Variants in TGS1 observed in about 807,000 individuals in gnomAD.
TGS1 encodes trimethylguanosine synthase.
Under a neutral mutation model 92.2 loss-of-function variants are expected in TGS1, and 69 were observed. The ratio of observed to expected loss-of-function variants is 0.75; its 90% CI spans 0.62 to 0.91. The LOEUF (loss-of-function observed/expected upper bound fraction) is 0.91, where lower values mean the gene tolerates loss of function less well. TGS1 is among the 40% of genes least tolerant of loss of function. TGS1 has a pLI of 0.00. For missense variants in TGS1, 1,062 were observed against 1,001.2 expected, an observed-to-expected ratio of 1.06 and a Z score of -0.82; for synonymous variants, 345 against 338.1, an observed-to-expected ratio of 1.02 and a Z score of -0.22.
chr8:55,818,906 G>A (rs1803557474), intron 12 of TGS1, among the ~76,000 whole-genome samples: 1 of 152,186 alleles, frequency 6.6e-6, no homozygotes, highest in African/African-American at 2.4e-5. Flanking sequence ...ATGAGTGAAG[G>A]ACAGAGCTTA....
intron 10 of TGS1, 77 bp downstream of exon 10, chr8:55,805,113 T>C: frequency 8.4e-7 from 1 of 1,185,768 alleles, no homozygotes; most frequent in South Asian, 1.5e-5. Flanking sequence ...CTACAGCCTA[T>C]CTTACTGAGA....
intron 9 of TGS1, 107 bp downstream of exon 9, chr8:55,802,713 C>A: frequency 8.9e-7 from 1 of 1,129,358 alleles, no homozygotes; most frequent in Non-Finnish European, 1.2e-6. Flanking sequence ...TACCCAGATT[C>A]AGCTATTTTC....
chr8:55,805,389 G>A (rs1812337271), intron 10 of TGS1, among the ~76,000 whole-genome samples: 1 of 152,126 alleles, frequency 6.6e-6, no homozygotes, highest in Admixed American at 6.6e-5. Context: ...TTAAAAGGTA[G>A]GAATGTCATG....
At chr8:55,795,633 T>G (rs192042297) in intron 6 of TGS1, among the ~76,000 whole-genome samples, 1 of 152,282 alleles carries the variant, frequency 6.6e-6, no homozygotes, top group East Asian at 1.9e-4. Context: ...TTGAAAATAT[T>G]TATATATTTA....
Position 55,810,997 on chromosome 8 carries a change from T to C in TGS1, c.2260T>C (p.Phe754Leu), listed in dbSNP as rs779882688. The change falls in exon 11 of 13, where the codon TTT becomes CTT. Residue 754 changes from phenylalanine (F) to leucine (L), a missense_variant. By Grantham distance (22) the Phe-to-Leu change is conservative. Coordinates refer to ENST00000260129, the MANE Select transcript of TGS1 (RefSeq NM_024831.8). Reference protein sequence around the residue: ...ICGDFLLLASFLKADVVFLSP... With the variant: ...ICGDFLLLASLLKADVVFLSP... ...TGGAGATTTCTTGCTGCTGGCTTCT[T>C]TTTTAAAGGCTGATGTTGTGTTCCT... The C allele has an allele frequency of 3.5e-5, 56 of 1,614,092 alleles. No individual in the cohort carries two copies. The highest frequency in any genetic ancestry group is 4.5e-5 in the Non-Finnish European group (53 of 1,180,042).
At chr8:55,785,261 G>A (rs902544456) in intron 2 of TGS1, among the ~76,000 whole-genome samples, 3 of 151,958 alleles carry the variant, frequency 2.0e-5, no homozygotes, top group African/African-American at 7.3e-5. Context: ...TCACCATGTT[G>A]GCCAGGCTGG....
At chr8:55,821,789 CATGA>C (rs1803644668) in intron 12 of TGS1, among the ~76,000 whole-genome samples, 1 of 151,926 alleles carries the variant, frequency 6.6e-6, no homozygotes. Flanking sequence ...AGGAGAATGG[CATGA>C]ACCCAGGAGG....
intron 11 of TGS1, among the ~76,000 whole-genome samples, chr8:55,812,579 C>T (rs564886005): frequency 6.0e-5 from 9 of 151,140 alleles, no homozygotes; most frequent in South Asian, 2.1e-4. Context: ...CCCAGGTACT[C>T]GGGAGGCTGA....
In TGS1 at chr8:55,786,754, A is replaced by C; in HGVS notation, c.856A>C (p.Lys286Gln). The change falls in exon 4 of 13, where the codon AAA becomes CAA. Residue 286 changes from lysine to glutamine, a missense_variant. Lys to Gln is a moderately conservative substitution (Grantham distance 53). Coordinates refer to ENST00000260129, the MANE Select transcript of TGS1 (RefSeq NM_024831.8). ...AGAAGCTGATGACAAGAACGATGAA[A>C]AATGCATGAAAGTTGACTTAGTATC... ...KTEADDKNDE[K>Q]CMKVDLVSFP... 1 of 1,614,184 alleles carries C rather than the reference A, an allele frequency of 6.2e-7. No homozygotes were observed.
chr8:55,778,322 C>T (rs1563448485), intron 1 of TGS1, among the ~76,000 whole-genome samples: 1 of 152,152 alleles, frequency 6.6e-6, no homozygotes, highest in Non-Finnish European at 1.5e-5. Context: ...TTCTACCGCA[C>T]ATCTGTATGA....
At chr8:55,777,422 T>G (rs1261429837) in intron 1 of TGS1, among the ~76,000 whole-genome samples, 4 of 152,148 alleles carry the variant, frequency 2.6e-5, no homozygotes, top group East Asian at 3.9e-4. Context: ...ATGCTGGATG[T>G]CTCCCCTTAG....
Position 55,792,827 on chromosome 8 carries a change from ACTT to A in TGS1, c.1367+45_1367+47del, listed in dbSNP as rs779057538. On this transcript the variant is annotated intron_variant, in intron 6 of 12. Coordinates refer to ENST00000260129, the MANE Select transcript of TGS1 (RefSeq NM_024831.8). The stretch of plus-strand genomic sequence containing the variant: ...CTATTGTTTTCCAGAAGTCCTAACC[ACTT>A]CAACTATCTTAGAGCACTCTGATAC... 231 of 1,339,868 alleles carry A rather than the reference ACTT, an allele frequency of 1.7e-4. 1 individual carries two copies. Among genetic ancestry groups the A allele is most frequent in the Non-Finnish European group, 2.4e-4 (223 of 931,494 alleles). 83.0% of individuals were successfully genotyped at this position (1,339,868 alleles called of 1,614,324 possible).
At chr8:55,823,967 T>C (rs950066525) in intron 12 of TGS1, among the ~76,000 whole-genome samples, 1 of 151,916 alleles carries the variant, frequency 6.6e-6, no homozygotes, top group South Asian at 2.1e-4. Context: ...AATACAAAAA[T>C]TAGCTGGGCA....
rs1404992873 is a variant in TGS1, at chr8:55,825,820, C to T, written c.*1117C>T. Among the ~76,000 whole-genome samples, 2 of 151,772 alleles carry T rather than the reference C, an allele frequency of 1.3e-5. No individual in the cohort carries two copies. The highest frequency in any genetic ancestry group is 1.9e-4 in the East Asian group (1 of 5,190). On this transcript the variant is annotated 3_prime_UTR_variant, in exon 13 of 13. Transcript: ENST00000260129. ...AGGTGAAATTACTTTTTCATTAATT[C>T]GCAATTTCAAAATCTGTCCAAATGT...
intron 8 of TGS1, among the ~76,000 whole-genome samples, chr8:55,802,207 A>G (rs111805122): frequency 1.3e-5 from 2 of 152,246 alleles, no homozygotes; most frequent in African/African-American, 4.8e-5. Flanking sequence ...ATAAATAAAT[A>G]AATGAATGAA....
chr8:55,786,540 G>T lies in TGS1; in HGVS notation c.642G>T (p.Trp214Cys), dbSNP rs1176894540. The change falls in exon 4 of 13, where the codon TGG becomes TGT. Residue 214 changes from tryptophan to cysteine, a missense_variant. Physicochemically the swap from Trp to Cys is radical, Grantham distance 215 (BLOSUM62 -2). Transcript: ENST00000260129. ...EYGGGLLWQS[W>C]QEKHPGQALS... is the part of the protein sequence containing the mutation. ...GAGGAGGACTATTGTGGCAAAGTTG[G>T]CAAGAAAAACATCCGGGTCAAGCAC... The T allele has an allele frequency of 3.7e-6, 6 of 1,614,056 alleles. No individual in the cohort carries two copies. Among genetic ancestry groups the T allele is most frequent in the Non-Finnish European group, 5.1e-6 (6 of 1,180,026 alleles).
chr8:55,780,231 A>G (rs530629078), intron 1 of TGS1, among the ~76,000 whole-genome samples: 6 of 143,040 alleles, frequency 4.2e-5, no homozygotes, highest in African/African-American at 1.6e-4. Context: ...GTGCAGTAGT[A>G]TGATCATTGC....
intron 1 of TGS1, among the ~76,000 whole-genome samples, chr8:55,781,343 C>T (rs1811557238): frequency 6.6e-6 from 1 of 151,872 alleles, no homozygotes; most frequent in Admixed American, 6.6e-5. Flanking sequence ...TTTTAAATAA[C>T]CTTCTTCATT....
In TGS1 at chr8:55,786,436, G is replaced by C; in HGVS notation, c.538G>C (p.Glu180Gln). ...ELQSKKDTETENPPVENTLSP... is the reference protein window; with the variant it reads ...ELQSKKDTETQNPPVENTLSP... ...TCAAAGCAAAAAAGATACTGAGACA[G>C]AAAATCCTCCAGTTGAAAACACATT... Residue 180 changes from glutamate (E) to glutamine (Q), a missense_variant, in exon 4 of 13, where the codon GAA (glutamate) becomes CAA (glutamine). By Grantham distance (29) the Glu-to-Gln change is conservative. Transcript: ENST00000260129. The C allele has an allele frequency of 6.2e-7, 1 of 1,613,524 alleles. No homozygotes were observed. Among genetic ancestry groups the C allele is most frequent in the Non-Finnish European group, 8.5e-7 (1 of 1,179,862 alleles).
Sources: gnomAD v4.1 joint callset for allele counts (sites outside exome capture counted in the v4.1 genomes callset) on GRCh38, gnomAD v4.1.1 for gene constraint, MANE v1.5 for transcripts, NCBI Gene and HGNC (gene_info 2026-07-23, HGNC 2026-07-21) for gene names.